HTR1E: variants seen among roughly 807,000 people sequenced by gnomAD.
HTR1E encodes 5-HT-1E.
A neutral mutation model predicts 3.4 loss-of-function variants in HTR1E; 3 were observed. That is an observed-to-expected ratio of 0.89 (90% CI 0.41 to 2.31). The LOEUF (loss-of-function observed/expected upper bound fraction) is 2.31, where lower values mean the gene tolerates loss of function less well. Ranked by LOEUF, HTR1E falls within the 30% of genes most tolerant of loss-of-function variation. The probability of loss-of-function intolerance (pLI) is 0.05; values close to 1 mark genes in which losing one functional copy is unlikely to be tolerated. For missense variants in HTR1E, 392 were observed against 467.0 expected, an observed-to-expected ratio of 0.84 and a Z score of 1.48; for synonymous variants, 170 against 182.8, an observed-to-expected ratio of 0.93 and a Z score of 0.56.
intron 1 of HTR1E, among the ~76,000 whole-genome samples, chr6:86,947,873 T>A (rs530812874): frequency 2.0e-4 from 31 of 152,300 alleles, no homozygotes; most frequent in African/African-American, 5.3e-4. Context: ...TTCCTTTTTT[T>A]AAAAAATTTT....
In HTR1E at chr6:86,981,687, G is replaced by A. The variant is rs141525788; in HGVS notation, c.-185-33463G>A. Among the ~76,000 whole-genome samples the A allele has an allele frequency of 9.0e-3, 1,367 of 152,244 alleles. 13 individuals carry two copies. Among genetic ancestry groups the A allele is most frequent in the Non-Finnish European group, 0.013 (913 of 68,012 alleles). ...ATCATACAAATAAATAATTAGCTAC[G>A]TATTTAATACCTACTGCACACTGTG... is the stretch of plus-strand genomic sequence containing the variant. On this transcript the variant is annotated intron_variant, in intron 1 of 1. Coordinates refer to ENST00000305344, the MANE Select transcript of HTR1E (RefSeq NM_000865.3).
chr6:86,960,606 G>A (rs1562061618), intron 1 of HTR1E, among the ~76,000 whole-genome samples: 1 of 152,158 alleles, frequency 6.6e-6, no homozygotes, highest in Non-Finnish European at 1.5e-5. Flanking sequence ...GTGGGTGGGG[G>A]AAGTGAATCA....
chr6:86,973,144 G>A (rs562134542), intron 1 of HTR1E, among the ~76,000 whole-genome samples: 31 of 152,270 alleles, frequency 2.0e-4, no homozygotes, highest in African/African-American at 1.7e-4. Context: ...GGTAAAAACT[G>A]TATCTTCATT....
chr6:86,980,473 C>T (rs1767696888), intron 1 of HTR1E, among the ~76,000 whole-genome samples: 1 of 151,856 alleles, frequency 6.6e-6, no homozygotes, highest in Non-Finnish European at 1.5e-5. Context: ...CACCACCCAA[C>T]TCAGACACGG....
At chr6:86,996,550 T>C (rs1439515511) in intron 1 of HTR1E, among the ~76,000 whole-genome samples, 1 of 152,090 alleles carries the variant, frequency 6.6e-6, no homozygotes, top group Non-Finnish European at 1.5e-5. Context: ...TATCAAATTA[T>C]TGGTATCAGT....
chr6:86,957,182 A>G (rs1767338195), intron 1 of HTR1E, among the ~76,000 whole-genome samples: 2 of 152,362 alleles, frequency 1.3e-5, no homozygotes, highest in South Asian at 4.1e-4. Context: ...GGTTTGGGGC[A>G]TCTAGGCTCC....
At chr6:86,957,579 G>A (rs1362017831) in intron 1 of HTR1E, among the ~76,000 whole-genome samples, 1 of 152,102 alleles carries the variant, frequency 6.6e-6, no homozygotes, top group Admixed American at 6.6e-5. Context: ...ATGAATACCT[G>A]AGCCCCAACA....
chr6:86,951,762 C>T (rs758902375), intron 1 of HTR1E, among the ~76,000 whole-genome samples: 3 of 151,974 alleles, frequency 2.0e-5, no homozygotes, highest in Non-Finnish European at 2.9e-5. Context: ...ATTGAAATAT[C>T]CCCTAAGAAG....
chr6:86,952,758 T>A (rs912894184), intron 1 of HTR1E, among the ~76,000 whole-genome samples: 1 of 152,188 alleles, frequency 6.6e-6, no homozygotes, highest in Non-Finnish European at 1.5e-5. Context: ...AATAGCTTTC[T>A]CTTTTTATTC....
chr6:86,954,517 T>C (rs1241040952), intron 1 of HTR1E, among the ~76,000 whole-genome samples: 1 of 152,176 alleles, frequency 6.6e-6, no homozygotes, highest in African/African-American at 2.4e-5. Flanking sequence ...TTCATCCCAA[T>C]TCATCCACTA....
intron 1 of HTR1E, among the ~76,000 whole-genome samples, chr6:86,977,194 C>T (rs1158703707): frequency 1.3e-5 from 2 of 152,130 alleles, no homozygotes; most frequent in East Asian, 3.9e-4. Flanking sequence ...TCCCCCTCTC[C>T]CTCCTCTGGT....
chr6:87,009,924 G>T (rs1768181665), intron 1 of HTR1E, among the ~76,000 whole-genome samples: 1 of 124,046 alleles, frequency 8.1e-6, no homozygotes, highest in Admixed American at 7.6e-5. Context: ...CGGCTGGCCG[G>T]GCAGAGGGGC....
intron 1 of HTR1E, among the ~76,000 whole-genome samples, chr6:86,969,826 A>AT (rs2127822522): frequency 6.6e-6 from 1 of 152,316 alleles, no homozygotes; most frequent in South Asian, 2.1e-4. Context: ...TGGTTCAGGG[A>AT]TTGGCATGTG....
chr6:86,988,897 T>A (rs1051762128), intron 1 of HTR1E, among the ~76,000 whole-genome samples: 4 of 152,196 alleles, frequency 2.6e-5, no homozygotes, highest in Non-Finnish European at 4.4e-5. Flanking sequence ...TAAGTGTGTA[T>A]GTTTGATAGA....
rs149437682 is a variant in HTR1E, at chr6:86,994,109, A to G, written c.-185-21041A>G. On this transcript the variant is annotated intron_variant, in intron 1 of 1. Coordinates refer to ENST00000305344, the MANE Select transcript of HTR1E (RefSeq NM_000865.3). ...ATCTAATGACAGAAATAAAATAAAC[A>G]GAAGAAAATCAACAGAGTATTGGGG... Among the ~76,000 whole-genome samples, 167 of 152,332 alleles carry G rather than the reference A, an allele frequency of 1.1e-3. 1 individual carries two copies. Among genetic ancestry groups the G allele is most frequent in the Middle Eastern group, 3.4e-3 (1 of 294 alleles).
intron 1 of HTR1E, among the ~76,000 whole-genome samples, chr6:86,973,316 GTGTGTGTGTGTGTGTC>G (rs1300438635): frequency 2.0e-5 from 3 of 150,176 alleles, no homozygotes; most frequent in Non-Finnish European, 2.9e-5. Flanking sequence ...GTGTGTGTGT[GTGTGTGTGTGTGTGTC>G]TGTGTGTGTG....
At chr6:87,011,737 C>T (rs1245075813) in intron 1 of HTR1E, among the ~76,000 whole-genome samples, 6 of 151,942 alleles carry the variant, frequency 3.9e-5, no homozygotes, top group Non-Finnish European at 5.9e-5. Context: ...TTTCAGAAAG[C>T]GGAAGTATCA....
chr6:86,975,270 A>G (rs1767614144), intron 1 of HTR1E, among the ~76,000 whole-genome samples: 1 of 152,138 alleles, frequency 6.6e-6, no homozygotes, highest in Non-Finnish European at 1.5e-5. Context: ...TGCAATTCCT[A>G]TTTCCAATAG....
rs377350581 is a variant in HTR1E, at chr6:87,015,955, C to T, written c.621C>T (p.His207=). The T allele has an allele frequency of 1.4e-5, 22 of 1,614,038 alleles. No homozygotes were observed. In the Middle Eastern group the frequency reaches 4.9e-4, roughly 36 times the overall value. The change falls in exon 2 of 2, where the codon CAC becomes CAT. Residue 207 remains histidine (H), a synonymous_variant. Transcript: ENST00000305344. ...TGATTCTCTATTACCGGATTTACCACGCGGCCAAGAGCCTTTACCAGAAAA... is the reference window on the plus strand; with the variant it reads ...TGATTCTCTATTACCGGATTTACCATGCGGCCAAGAGCCTTTACCAGAAAA... ...LILILYYRIY[H]AAKSLYQKRG...
Sources: gnomAD v4.1 joint callset for allele counts (sites outside exome capture counted in the v4.1 genomes callset) on GRCh38, gnomAD v4.1.1 for gene constraint, MANE v1.5 for transcripts, NCBI Gene and HGNC (gene_info 2026-07-23, HGNC 2026-07-21) for gene names.